The following SNTG1 variants were observed in gnomAD, a reference collection of about 807,000 sequenced individuals.
SNTG1 encodes syntrophin gamma 1.
In SNTG1, 39 loss-of-function variants were observed where a neutral mutation model predicts 74.7. The ratio of observed to expected loss-of-function variants is 0.52; its 90% CI spans 0.40 to 0.68. The LOEUF (loss-of-function observed/expected upper bound fraction) is 0.68. SNTG1 is among the 30% of genes least tolerant of loss of function. The pLI is 0.00. For synonymous variants in SNTG1, 254 were observed against 217.1 expected (o/e 1.17, Z -1.49); for missense variants, 685 against 609.5 (o/e 1.12, Z -1.30).
chr8:50,561,319 T>G (rs1200037241), intron 12 of SNTG1, among the ~76,000 whole-genome samples: 2 of 152,310 alleles, frequency 1.3e-5, no homozygotes, highest in African/African-American at 4.8e-5. Flanking sequence ...CAATTAAACC[T>G]CTTTCCTTCA....
intron 2 of SNTG1, among the ~76,000 whole-genome samples, chr8:50,321,020 C>T (rs574148789): frequency 3.2e-4 from 48 of 152,020 alleles, no homozygotes; most frequent in Admixed American, 4.6e-4. Context: ...TAACATTACA[C>T]GAAATATACC....
intron 2 of SNTG1, among the ~76,000 whole-genome samples, chr8:50,277,719 C>A (rs181821975): frequency 2.0e-5 from 3 of 152,234 alleles, no homozygotes; most frequent in Admixed American, 6.5e-5. Context: ...AAAATCATAA[C>A]CTTTTCTGAG....
intron 2 of SNTG1, among the ~76,000 whole-genome samples, chr8:50,272,812 T>C (rs2087855562): frequency 1.3e-5 from 2 of 151,776 alleles, no homozygotes; most frequent in Non-Finnish European, 2.9e-5. Context: ...TCATAGCTCA[T>C]GGTAACCTCA....
Position 50,449,843 on chromosome 8 carries a change from C to T in SNTG1, c.277+118C>T, listed in dbSNP as rs2093439547. The T allele has an allele frequency of 6.8e-6, 6 of 884,338 alleles. No homozygotes were observed. In the Admixed American group the frequency reaches 1.6e-4, roughly 24 times the overall value. The allele number at this position is 884,338 out of a possible 1,614,324, so 54.8% of individuals were successfully genotyped here. ...GATTGACTGGCTCCAGCTTCCCCAC[C>T]TTCAGGCATTAGTGGCTGAGTCTGC... is the stretch of plus-strand genomic sequence containing the variant. On this transcript the variant is annotated intron_variant, in intron 6 of 18. Transcript: ENST00000642720.
At chr8:50,052,087 T>A (rs1429644077) in intron 1 of SNTG1, among the ~76,000 whole-genome samples, 1 of 152,058 alleles carries the variant, frequency 6.6e-6, no homozygotes, top group African/African-American at 2.4e-5. Flanking sequence ...AGACCTAGAA[T>A]AATTGAAACA....
chr8:50,665,489 A>T (rs546148963), intron 15 of SNTG1, among the ~76,000 whole-genome samples: 1 of 152,064 alleles, frequency 6.6e-6, no homozygotes, highest in South Asian at 2.1e-4. Flanking sequence ...GGGGTCAGAG[A>T]GTTCTCAATA....
At chr8:50,762,672 G>A (rs1327509622) in intron 18 of SNTG1, 6 of 466,610 alleles carry the variant, frequency 1.3e-5, no homozygotes, top group Non-Finnish European at 2.6e-5. Context: ...CCAACAGCCT[G>A]ACCTGTCTTC....
intron 1 of SNTG1, among the ~76,000 whole-genome samples, chr8:49,961,448 A>G (rs1585673212): frequency 1.3e-5 from 2 of 152,206 alleles, no homozygotes; most frequent in Admixed American, 1.3e-4. Flanking sequence ...GCCACTTGCT[A>G]TTCCTTAAAC....
intron 1 of SNTG1, among the ~76,000 whole-genome samples, chr8:49,952,750 G>C (rs1360913353): frequency 1.3e-5 from 2 of 152,224 alleles, no homozygotes; most frequent in Non-Finnish European, 2.9e-5. Flanking sequence ...GATGCTGGCA[G>C]ATTTGGAATG....
intron 18 of SNTG1, among the ~76,000 whole-genome samples, chr8:50,782,376 C>T (rs2095662163): frequency 6.6e-6 from 1 of 152,156 alleles, no homozygotes; most frequent in Non-Finnish European, 1.5e-5. Flanking sequence ...TCACATAGTC[C>T]CACACTTCTT....
chr8:50,463,922 C>G (rs2093588298), intron 8 of SNTG1, among the ~76,000 whole-genome samples: 1 of 152,204 alleles, frequency 6.6e-6, no homozygotes. Context: ...TTTATCTTCA[C>G]TAGATTTCTT....
At chr8:50,363,737 T>A (rs770048372) in intron 2 of SNTG1, among the ~76,000 whole-genome samples, 1 of 152,184 alleles carries the variant, frequency 6.6e-6, no homozygotes, top group Non-Finnish European at 1.5e-5. Context: ...GCAGCCATTT[T>A]AAGAGTTTTT....
At chr8:50,778,481 T>G (rs1414536929) in intron 18 of SNTG1, among the ~76,000 whole-genome samples, 1 of 151,932 alleles carries the variant, frequency 6.6e-6, no homozygotes, top group Non-Finnish European at 1.5e-5. Flanking sequence ...TCATGTGTTT[T>G]TTGGCTGCAT....
chr8:50,092,438 A>T (rs947652856), intron 1 of SNTG1, among the ~76,000 whole-genome samples: 1 of 152,092 alleles, frequency 6.6e-6, no homozygotes, highest in South Asian at 2.1e-4. Flanking sequence ...CACATTTCCC[A>T]TGGGCCACAC....
intron 17 of SNTG1, among the ~76,000 whole-genome samples, chr8:50,718,331 T>G (rs552305343): frequency 6.6e-6 from 1 of 152,140 alleles, no homozygotes; most frequent in Admixed American, 6.5e-5. Flanking sequence ...CTGAGGAACT[T>G]TGGACTTCAT....
chr8:50,791,421 T>G (rs2095690309), intron 18 of SNTG1, among the ~76,000 whole-genome samples: 3 of 151,898 alleles, frequency 2.0e-5, no homozygotes, highest in African/African-American at 7.2e-5. Flanking sequence ...AGGGAGCTAC[T>G]GAGAAAGCAT....
At chr8:50,657,083 C>T in intron 14 of SNTG1, 58 bp downstream of exon 14, 2 of 936,722 alleles carry the variant, frequency 2.1e-6, no homozygotes. Flanking sequence ...AGATTGACAC[C>T]AACTTAACAG....
At chr8:50,318,277 G>T (rs1297788941) in intron 2 of SNTG1, among the ~76,000 whole-genome samples, 2 of 111,894 alleles carry the variant, frequency 1.8e-5, no homozygotes, top group Non-Finnish European at 4.2e-5. Flanking sequence ...ATGTGTAAAA[G>T]AATGTTTGAA....
chr8:50,468,130 T>TA (rs2093624124), intron 8 of SNTG1, among the ~76,000 whole-genome samples: 1 of 152,046 alleles, frequency 6.6e-6, no homozygotes, highest in Non-Finnish European at 1.5e-5. Context: ...AATGGTATAT[T>TA]CTATAAAAGT....
Sources: gnomAD v4.1 joint callset for allele counts (sites outside exome capture counted in the v4.1 genomes callset) on GRCh38, gnomAD v4.1.1 for gene constraint, MANE v1.5 for transcripts, NCBI Gene and HGNC (gene_info 2026-07-23, HGNC 2026-07-21) for gene names.